Variants in SYNDIG1 observed in about 807,000 individuals in gnomAD.
SYNDIG1 encodes synapse differentiation inducing 1, also known as synapse differentiation-inducing gene protein 1.
A neutral mutation model predicts 19.4 loss-of-function variants in SYNDIG1; 9 were observed. The observed-to-expected ratio is 0.46, with a 90% CI of 0.28 to 0.81. The LOEUF is 0.81. Among genes scored for constraint, SYNDIG1 ranks in the 30% least tolerant of loss-of-function variants. The pLI is 0.12. For missense variants in SYNDIG1, 311 were observed against 343.3 expected (o/e 0.91, Z 0.74); for synonymous variants, 141 against 145.9 (o/e 0.97, Z 0.24).
chr20:24,639,903 G>A (rs958508126), intron 3 of SYNDIG1, among the ~76,000 whole-genome samples: 1 of 152,144 alleles, frequency 6.6e-6, no homozygotes, highest in East Asian at 1.9e-4. Context: ...CTCACCATAT[G>A]GACACAACAT....
chr20:24,612,430 G>A (rs2058863815), intron 3 of SYNDIG1, among the ~76,000 whole-genome samples: 1 of 152,156 alleles, frequency 6.6e-6, no homozygotes, highest in Admixed American at 6.5e-5. Context: ...TCTTAAAGCA[G>A]GAGAAGAAAG....
At chr20:24,496,888 A>C (rs2056317303) in intron 1 of SYNDIG1, among the ~76,000 whole-genome samples, 1 of 152,092 alleles carries the variant, frequency 6.6e-6, no homozygotes, top group Non-Finnish European at 1.5e-5. Context: ...TGTAATTTTT[A>C]TCTATTTCTA....
chr20:24,545,004 G>T (rs953268027), intron 2 of SYNDIG1, among the ~76,000 whole-genome samples: 1 of 152,162 alleles, frequency 6.6e-6, no homozygotes, highest in African/African-American at 2.4e-5. Flanking sequence ...GAAGTTTGGA[G>T]CAGAATCAGA....
intron 2 of SYNDIG1, among the ~76,000 whole-genome samples, chr20:24,566,205 CCAGGGAGCTGTG>C (rs1195391044): frequency 3.3e-5 from 5 of 152,132 alleles, no homozygotes; most frequent in Non-Finnish European, 7.4e-5. Flanking sequence ...GCTGCCACCA[CCAGGGAGCTGTG>C]CAGGGAGCAG....
chr20:24,630,283 G>A (rs2059220658), intron 3 of SYNDIG1, among the ~76,000 whole-genome samples: 1 of 152,128 alleles, frequency 6.6e-6, no homozygotes, highest in Admixed American at 6.5e-5. Flanking sequence ...GAGACCCCTG[G>A]GGATTGACCG....
chr20:24,512,013 C>A (rs2056752760), intron 1 of SYNDIG1, among the ~76,000 whole-genome samples: 1 of 150,486 alleles, frequency 6.6e-6, no homozygotes, highest in African/African-American at 2.5e-5. Context: ...ACAAAATGGA[C>A]CCTAACAGCA....
intron 3 of SYNDIG1, among the ~76,000 whole-genome samples, chr20:24,661,203 G>A (rs1041049917): frequency 2.6e-5 from 4 of 152,016 alleles, no homozygotes; most frequent in African/African-American, 7.2e-5. Context: ...GGAGGTCCCC[G>A]TCACCATCCT....
Position 24,627,528 on chromosome 20 carries a change from G to T in SYNDIG1, c.619-37818G>T, listed in dbSNP as rs147846894. Among the ~76,000 whole-genome samples, 964 of 152,292 alleles carry T rather than the reference G, an allele frequency of 6.3e-3. 10 individuals are homozygous for T. The highest frequency in any genetic ancestry group is 0.022 in the African/African-American group (911 of 41,558). ...CCAAAAGGATCATGCTGCAGTCTCC[G>T]CATTCCGATGTCCGTTGAACAAAAG... is the stretch of plus-strand genomic sequence containing the variant. On this transcript the variant is annotated intron_variant, in intron 3 of 3. Transcript: ENST00000376862.
intron 2 of SYNDIG1, among the ~76,000 whole-genome samples, chr20:24,573,926 G>A (rs1373412248): frequency 6.6e-6 from 1 of 152,154 alleles, no homozygotes; most frequent in Non-Finnish European, 1.5e-5. Context: ...GACACCCCTG[G>A]GCCTGAACTT....
At chr20:24,551,112 C>G (rs2057698894) in intron 2 of SYNDIG1, among the ~76,000 whole-genome samples, 1 of 152,158 alleles carries the variant, frequency 6.6e-6, no homozygotes, top group Non-Finnish European at 1.5e-5. Context: ...TAGAACTCAC[C>G]AGTGAAGGCA....
chr20:24,640,350 A>AGAGT (rs2059360522), intron 3 of SYNDIG1, among the ~76,000 whole-genome samples: 1 of 138,932 alleles, frequency 7.2e-6, no homozygotes, highest in African/African-American at 2.6e-5. Flanking sequence ...AGAGACATTG[A>AGAGT]GAGCGAGAGA....
At chr20:24,577,049 A>G (rs1022700062) in intron 2 of SYNDIG1, among the ~76,000 whole-genome samples, 2 of 152,170 alleles carry the variant, frequency 1.3e-5, no homozygotes, top group Non-Finnish European at 2.9e-5. Flanking sequence ...TAGGAGGAAA[A>G]ACTAAAAGTA....
intron 3 of SYNDIG1, among the ~76,000 whole-genome samples, chr20:24,640,018 C>A (rs1280700878): frequency 6.6e-6 from 1 of 152,142 alleles, no homozygotes; most frequent in Admixed American, 6.6e-5. Context: ...GTGCTTAAAT[C>A]TTTATTCTTG....
intron 2 of SYNDIG1, among the ~76,000 whole-genome samples, chr20:24,573,411 C>T (rs780210720): frequency 6.6e-6 from 1 of 152,222 alleles, no homozygotes; most frequent in Non-Finnish European, 1.5e-5. Context: ...GTGCTGCTTT[C>T]CCTGCACCCA....
chr20:24,599,863 A>G (rs78909280), intron 3 of SYNDIG1, among the ~76,000 whole-genome samples: 4,633 of 152,280 alleles, frequency 0.03, 151 homozygotes, highest in African/African-American at 0.083. Context: ...AAGAGTAGTG[A>G]GTTACAGGGT....
At chr20:24,638,146 G>A (rs2059334768) in intron 3 of SYNDIG1, among the ~76,000 whole-genome samples, 1 of 152,204 alleles carries the variant, frequency 6.6e-6, no homozygotes, top group South Asian at 2.1e-4. Flanking sequence ...CAGAGGAAAA[G>A]CAGCCAGCTC....
At chr20:24,560,552 T>C (rs2057920259) in intron 2 of SYNDIG1, among the ~76,000 whole-genome samples, 1 of 152,152 alleles carries the variant, frequency 6.6e-6, no homozygotes, top group Non-Finnish European at 1.5e-5. Flanking sequence ...ATTGAGTCAT[T>C]GTCATCATGT....
intron 2 of SYNDIG1, among the ~76,000 whole-genome samples, chr20:24,554,501 G>A (rs987389624): frequency 2.6e-5 from 4 of 152,192 alleles, no homozygotes; most frequent in Non-Finnish European, 5.9e-5. Flanking sequence ...TTTATTGAGT[G>A]TTTTTAGCAT....
chr20:24,582,457 C>T (rs1422372725), intron 2 of SYNDIG1, among the ~76,000 whole-genome samples: 1 of 144,794 alleles, frequency 6.9e-6, no homozygotes, highest in Non-Finnish European at 1.5e-5. Flanking sequence ...CACATCCTTC[C>T]CCCTGCACGT....
Sources: allele counts gnomAD v4.1 joint callset (sites outside exome capture counted in the v4.1 genomes callset), GRCh38; gene constraint gnomAD v4.1.1; transcripts MANE v1.5; gene names NCBI Gene and HGNC (gene_info 2026-07-23, HGNC 2026-07-21).